Variants in ZFYVE1 observed in about 807,000 individuals in gnomAD.
The protein encoded by ZFYVE1 is zinc finger FYVE domain-containing protein 1.
Under a neutral mutation model 74.4 loss-of-function variants are expected in ZFYVE1, and 30 were observed. The ratio of observed to expected loss-of-function variants is 0.40; its 90% confidence interval spans 0.30 to 0.55. The LOEUF is 0.55. Ranked by LOEUF, ZFYVE1 falls within the 20% of genes least tolerant of loss-of-function variation. The pLI is 0.42. For synonymous variants in ZFYVE1, 335 were observed against 385.1 expected, an observed-to-expected ratio of 0.87 and a Z score of 1.52; for missense variants, 703 against 1,011.6, an observed-to-expected ratio of 0.69 and a Z score of 4.14.
At chr14:72,996,762 A>G (rs372616427) in intron 3 of ZFYVE1, among the ~76,000 whole-genome samples, 3 of 152,200 alleles carry the variant, frequency 2.0e-5, no homozygotes, top group East Asian at 1.9e-4. Flanking sequence ...TATGCACAGA[A>G]CACCGTGCGG....
Position 72,975,030 on chromosome 14 carries a change from A to G in ZFYVE1, c.1807-71T>C, listed in dbSNP as rs1893132560. On this transcript the variant is annotated intron_variant, in intron 9 of 11. Coordinates refer to ENST00000556143, the MANE Select transcript of ZFYVE1 (RefSeq NM_021260.4). The surrounding 1 kb of genome is among the most constrained non-coding windows in gnomAD (Gnocchi z 4.1). ...CATGTCTGCTCAGCTGAGAAAGTCA[A>G]CAAGACCCCGGAGCAAGCAGAAACT... 1 of 1,501,380 alleles carries G rather than the reference A, an allele frequency of 6.7e-7. No homozygotes were observed. The highest frequency in any genetic ancestry group is 1.4e-5 in the African/African-American group (1 of 72,362). 93.0% of individuals were successfully genotyped at this position (1,501,380 alleles called of 1,614,324 possible).
chr14:72,998,648 T>G (rs1041564174), intron 2 of ZFYVE1, among the ~76,000 whole-genome samples: 1 of 152,178 alleles, frequency 6.6e-6, no homozygotes, highest in Non-Finnish European at 1.5e-5. Context: ...TGGATTAGTC[T>G]ATAGTTCCTT....
intron 4 of ZFYVE1, among the ~76,000 whole-genome samples, chr14:72,986,353 A>G (rs1315213068): frequency 1.3e-5 from 2 of 152,132 alleles, no homozygotes; most frequent in Admixed American, 1.3e-4. Context: ...ACACTCTTGC[A>G]TATGAGGTAA....
At chr14:73,026,260 C>T (rs1384089769) in intron 1 of ZFYVE1, among the ~76,000 whole-genome samples, 4 of 151,818 alleles carry the variant, frequency 2.6e-5, no homozygotes, top group Non-Finnish European at 5.9e-5. Context: ...TTAAAAATAA[C>T]TTCAAAATAC....
In ZFYVE1 at chr14:72,998,075, C is replaced by T; in HGVS notation, c.724G>A (p.Ala242Thr). ...AVIDTEGLLG[A>T]TVNLSQRTRL... ...GTTCTCTGGCTTAGATTCACGGTGG[C>T]CCCCAGGAGCCCTTCCGTATCGATC... Residue 242 changes from alanine (A) to threonine (T), a missense_variant, in exon 3 of 12, where the codon GCC (alanine) becomes ACC (threonine). Coordinates refer to ENST00000556143, the MANE Select transcript of ZFYVE1 (RefSeq NM_021260.4). The T allele has an allele frequency of 6.2e-7, 1 of 1,614,020 alleles. No homozygotes were observed. The highest frequency in any genetic ancestry group is 8.5e-7 in the Non-Finnish European group (1 of 1,180,000).
chr14:73,020,082 C>T (rs1451302295), intron 2 of ZFYVE1, among the ~76,000 whole-genome samples: 1 of 152,014 alleles, frequency 6.6e-6, no homozygotes, highest in Non-Finnish European at 1.5e-5. Flanking sequence ...TGGTGAAACT[C>T]CATCTCTACG....
chr14:72,981,676 G>T, intron 5 of ZFYVE1, 113 bp downstream of exon 5: 2 of 991,714 alleles, frequency 2.0e-6, no homozygotes, highest in Non-Finnish European at 1.6e-6. Context: ...ATCAGAACCT[G>T]TAATTTAGCA....
chr14:72,986,031 G>A (rs1893470802), intron 4 of ZFYVE1, among the ~76,000 whole-genome samples: 1 of 152,184 alleles, frequency 6.6e-6, no homozygotes, highest in Non-Finnish European at 1.5e-5. Context: ...CAACAGCTGG[G>A]TTGAATTCAC....
At position 72,998,202 on chromosome 14, in the gene ZFYVE1, G is replaced by A. The variant is rs747542340; in HGVS notation, c.597C>T (p.His199=). The A allele has an allele frequency of 5.3e-5, 86 of 1,613,798 alleles. No individual in the cohort carries two copies. Among genetic ancestry groups the A allele is most frequent in the Non-Finnish European group, 6.9e-5 (81 of 1,180,010 alleles). Residue 199 remains histidine, a synonymous_variant, in exon 3 of 12, where the codon CAC becomes CAT. Transcript: ENST00000556143. The stretch of plus-strand genomic sequence containing the variant: ...AGACTTCACGACCATAAAAGAAAGT[G>A]TGGTTGAGAGTATGAGACTTTCCAT... ...TGDGKSHTLN[H]TFFYGREVFK...
chr14:73,014,910 G>A (rs1032062744), intron 2 of ZFYVE1, among the ~76,000 whole-genome samples: 1 of 152,128 alleles, frequency 6.6e-6, no homozygotes, highest in Non-Finnish European at 1.5e-5. Flanking sequence ...CAGACATGTG[G>A]CAGACCAGTA....
chr14:72,997,929 G>A lies in ZFYVE1; in HGVS notation c.870C>T (p.His290=). ...LGDASEAYLK[H]FTKELKATTA... ...TGGTGGCCTTGAGCTCCTTGGTGAAGTGCTTCAGATAAGCTTCTGAGGCAT... is the reference window on the plus strand; with the variant it reads ...TGGTGGCCTTGAGCTCCTTGGTGAAATGCTTCAGATAAGCTTCTGAGGCAT... Residue 290 remains histidine, a synonymous_variant, in exon 3 of 12, where the codon CAC becomes CAT. Coordinates refer to ENST00000556143, the MANE Select transcript of ZFYVE1 (RefSeq NM_021260.4). The A allele has an allele frequency of 6.2e-7, 1 of 1,614,168 alleles. No homozygotes were observed. Among genetic ancestry groups the A allele is most frequent in the Non-Finnish European group, 8.5e-7 (1 of 1,180,028 alleles).
chr14:72,998,102 C>T lies in ZFYVE1; in HGVS notation c.697G>A (p.Val233Met), dbSNP rs1310502612. 5 of 1,614,016 alleles carry T rather than the reference C, an allele frequency of 3.1e-6. No individual in the cohort carries two copies. The highest frequency in any genetic ancestry group is 2.5e-6 in the Non-Finnish European group (3 of 1,180,018). Residue 233 changes from valine (V) to methionine (M), a missense_variant, in exon 3 of 12, where the codon GTG becomes ATG. By Grantham distance (21) the Val-to-Met change is conservative (BLOSUM62 1). This residue lies in a region of ZFYVE1 where 492 missense variants were observed against 790.0 expected (regional missense o/e 0.62). Transcript: ENST00000556143. Reference protein sequence around the residue: ...AAYDPVHKVAVIDTEGLLGAT... With the variant: ...AAYDPVHKVAMIDTEGLLGAT... ...CCCAGGAGCCCTTCCGTATCGATCA[C>T]TGCTACTTTGTGAACTGGGTCATAG...
In ZFYVE1 at chr14:72,973,892, T is replaced by C. The variant is rs543118330; in HGVS notation, c.2101+188A>G. Among the ~76,000 whole-genome samples the C allele has an allele frequency of 9.2e-5, 14 of 152,312 alleles. No individual in the cohort carries two copies. The East Asian group carries it at 2.7e-3, about 29-fold the overall frequency. ...GCACTAGATGCTGTAAGAGAATGGCTTCCAGCAATAAACATGAAACTACTA... is the reference window on the plus strand; with the variant it reads ...GCACTAGATGCTGTAAGAGAATGGCCTCCAGCAATAAACATGAAACTACTA... On this transcript the variant is annotated intron_variant, in intron 11 of 11. Coordinates refer to ENST00000556143, the MANE Select transcript of ZFYVE1 (RefSeq NM_021260.4).
intron 2 of ZFYVE1, among the ~76,000 whole-genome samples, chr14:73,023,293 A>G (rs1388570098): frequency 1.9e-5 from 2 of 103,482 alleles, no homozygotes; most frequent in East Asian, 2.2e-4. Context: ...TGTTTTATAT[A>G]TAATATATAT....
chr14:72,980,762 G>A (rs1893309320), intron 5 of ZFYVE1, among the ~76,000 whole-genome samples: 1 of 151,776 alleles, frequency 6.6e-6, no homozygotes, highest in African/African-American at 2.4e-5. Context: ...TAGAGACAGG[G>A]TTTCACCATA....
intron 2 of ZFYVE1, among the ~76,000 whole-genome samples, chr14:73,020,611 C>G (rs1020992297): frequency 6.6e-6 from 1 of 152,188 alleles, no homozygotes; most frequent in Non-Finnish European, 1.5e-5. Context: ...CTCAGCCTCC[C>G]AAAGTGATGT....
At chr14:72,972,218 AAAAG>A (rs1893053097) in intron 11 of ZFYVE1, among the ~76,000 whole-genome samples, 1 of 152,166 alleles carries the variant, frequency 6.6e-6, no homozygotes, top group Admixed American at 6.5e-5. Flanking sequence ...TCTCAAAAAA[AAAAG>A]AAAGGTTAGC....
At chr14:73,000,310 G>T (rs1391998459) in intron 2 of ZFYVE1, among the ~76,000 whole-genome samples, 1 of 152,024 alleles carries the variant, frequency 6.6e-6, no homozygotes, top group Non-Finnish European at 1.5e-5. Context: ...ATATCCACAA[G>T]ACAACAAACG....
At chr14:73,016,148 G>T (rs1358933352) in intron 2 of ZFYVE1, among the ~76,000 whole-genome samples, 2 of 152,014 alleles carry the variant, frequency 1.3e-5, no homozygotes, top group East Asian at 3.9e-4. Context: ...ATTTGCTAAG[G>T]TGTTGCCTCT....
Sources: allele counts gnomAD v4.1 joint callset (sites outside exome capture counted in the v4.1 genomes callset), GRCh38; gene constraint gnomAD v4.1.1; regional missense constraint gnomAD v4.1.1; non-coding constraint Gnocchi (gnomAD v3.1); transcripts MANE v1.5; gene names NCBI Gene and HGNC (gene_info 2026-07-23, HGNC 2026-07-21).